TMEM132D: variants seen among roughly 807,000 people sequenced by gnomAD.
TMEM132D encodes the protein mature OL transmembrane protein.
TMEM132D carries 21 observed loss-of-function variants against 62.3 expected under a neutral mutation model. That is an observed-to-expected ratio of 0.34 (90% CI 0.24 to 0.49). The LOEUF is 0.49. Ranked by LOEUF, TMEM132D falls within the 20% of genes least tolerant of loss-of-function variation. The probability of loss-of-function intolerance (pLI) is 0.99; values close to 1 mark genes in which losing one functional copy is unlikely to be tolerated. For missense variants in TMEM132D, 1,346 were observed against 1,402.8 expected, an observed-to-expected ratio of 0.96 and a Z score of 0.65; for synonymous variants, 621 against 575.6, an observed-to-expected ratio of 1.08 and a Z score of -1.13.
chr12:129,902,576 G>A (rs561593837), intron 1 of TMEM132D, among the ~76,000 whole-genome samples: 1 of 152,318 alleles, frequency 6.6e-6, no homozygotes, highest in African/African-American at 2.4e-5. Flanking sequence ...ATGGCTTCAA[G>A]TCAGGGCTCC....
chr12:129,902,128 G>A (rs916203152), intron 1 of TMEM132D, among the ~76,000 whole-genome samples: 1 of 152,128 alleles, frequency 6.6e-6, no homozygotes, highest in Non-Finnish European at 1.5e-5. Context: ...CACAGAACTC[G>A]GCATTTCAAC....
At chr12:129,714,742 A>C (rs1016377180) in intron 1 of TMEM132D, among the ~76,000 whole-genome samples, 8 of 152,190 alleles carry the variant, frequency 5.3e-5, no homozygotes, top group African/African-American at 1.9e-4. Context: ...AAATCCGGGA[A>C]AGAAATTTTA....
chr12:129,325,173 GC>G (rs1337887749), intron 4 of TMEM132D, among the ~76,000 whole-genome samples: 1 of 152,194 alleles, frequency 6.6e-6, no homozygotes, highest in East Asian at 1.9e-4. Context: ...CTGAGCTTCT[GC>G]CGCGGGATGG....
chr12:129,488,439 G>T (rs760106626), intron 3 of TMEM132D, among the ~76,000 whole-genome samples: 3 of 152,182 alleles, frequency 2.0e-5, no homozygotes, highest in Non-Finnish European at 2.9e-5. Context: ...TTGGGAGGCT[G>T]AGGCAGGTGG....
chr12:129,659,319 C>A (rs1880175982), intron 2 of TMEM132D, among the ~76,000 whole-genome samples: 1 of 152,046 alleles, frequency 6.6e-6, no homozygotes, highest in Admixed American at 6.6e-5. Flanking sequence ...TGATAGATAA[C>A]CAGAATGCAA....
chr12:129,452,541 T>C (rs1264866671), intron 3 of TMEM132D, among the ~76,000 whole-genome samples: 2 of 152,196 alleles, frequency 1.3e-5, no homozygotes, highest in African/African-American at 4.8e-5. Flanking sequence ...TCCCTGTCAA[T>C]GTACAGGTAA....
chr12:129,587,824 G>A (rs1488618720), intron 2 of TMEM132D, among the ~76,000 whole-genome samples: 1 of 152,118 alleles, frequency 6.6e-6, no homozygotes, highest in South Asian at 2.1e-4. Context: ...TGGCCAGGGG[G>A]TATATTATTC....
chr12:129,442,680 A>C (rs552790681), intron 3 of TMEM132D, among the ~76,000 whole-genome samples: 1 of 152,236 alleles, frequency 6.6e-6, no homozygotes, highest in African/African-American at 2.4e-5. Context: ...AAAATCTAGA[A>C]AGGCATTTAT....
In TMEM132D at chr12:129,839,117, A is replaced by ATTTTTTTTTTTTTTTTTTTTTTTTT. The variant is rs71085578; in HGVS notation, c.79+64119_79+64143dup. 8.7e-4 allele frequency among the ~76,000 whole-genome samples: 18 copies of ATTTTTTTTTTTTTTTTTTTTTTTTT among 20,712 alleles called. 5 individuals are homozygous for ATTTTTTTTTTTTTTTTTTTTTTTTT. Among genetic ancestry groups the ATTTTTTTTTTTTTTTTTTTTTTTTT allele is most frequent in the Non-Finnish European group, 1.1e-3 (13 of 11,882 alleles). 13.6% of individuals were successfully genotyped at this position (20,712 alleles called of 152,430 possible). A position where few individuals can be genotyped will look rare whatever the true frequency, so the allele number is the denominator to read the frequency against. ...AGGCGTCCACCACCACGCCTGGCTAATTTTTTTTTTTTTTTTTTTTTTTTT... is the reference window on the plus strand; with the variant it reads ...AGGCGTCCACCACCACGCCTGGCTAATTTTTTTTTTTTTTTTTTTTTTTTTTTTTTTTTTTTTTTTTTTTTTTTTT... On this transcript the variant is annotated intron_variant, in intron 1 of 8. Transcript: ENST00000422113.
At chr12:129,284,607 T>A (rs1881240812) in intron 4 of TMEM132D, among the ~76,000 whole-genome samples, 1 of 152,242 alleles carries the variant, frequency 6.6e-6, no homozygotes, top group African/African-American at 2.4e-5. Context: ...AACAAACACA[T>A]GTAAACATAT....
At chr12:129,133,658 C>A (rs958765093) in intron 5 of TMEM132D, among the ~76,000 whole-genome samples, 1 of 152,164 alleles carries the variant, frequency 6.6e-6, no homozygotes, top group Non-Finnish European at 1.5e-5. Flanking sequence ...GTCTTTCTTG[C>A]GTTTATCCCA....
chr12:129,502,484 T>C (rs376417540), intron 3 of TMEM132D, among the ~76,000 whole-genome samples: 8 of 152,226 alleles, frequency 5.3e-5, no homozygotes, highest in South Asian at 4.2e-4. Context: ...ATACGTATTA[T>C]TGACTCATGT....
At chr12:129,430,131 A>G (rs1310349642) in intron 3 of TMEM132D, among the ~76,000 whole-genome samples, 1 of 152,172 alleles carries the variant, frequency 6.6e-6, no homozygotes, top group African/African-American at 2.4e-5. Context: ...CGGTATTTCT[A>G]GTTCTAGATC....
intron 4 of TMEM132D, among the ~76,000 whole-genome samples, chr12:129,315,853 C>T (rs1868473355): frequency 6.6e-6 from 1 of 152,088 alleles, no homozygotes; most frequent in Non-Finnish European, 1.5e-5. Flanking sequence ...CCTAATTCTT[C>T]CTGATTTAGG....
rs567435398 is a variant in TMEM132D at position 129,821,196 on chromosome 12, T to C, written c.79+82065A>G. Among the ~76,000 whole-genome samples the C allele has an allele frequency of 8.5e-5, 13 of 152,326 alleles. No homozygotes were observed. In the South Asian group the frequency reaches 2.3e-3, roughly 27 times the overall value. ...GTTCGAGAAATTAAGACAGATTCTC[T>C]CACCGCAGGACTTAGATTATTTGAC... On this transcript the variant is annotated intron_variant, in intron 1 of 8. Coordinates refer to ENST00000422113, the MANE Select transcript of TMEM132D (RefSeq NM_133448.3).
intron 3 of TMEM132D, among the ~76,000 whole-genome samples, chr12:129,507,623 C>T (rs1302900485): frequency 6.6e-6 from 1 of 152,060 alleles, no homozygotes; most frequent in Non-Finnish European, 1.5e-5. Flanking sequence ...AACCAAACAT[C>T]GTATGTTCTC....
chr12:129,144,297 G>A (rs148100087), intron 5 of TMEM132D, among the ~76,000 whole-genome samples: 2,005 of 152,268 alleles, frequency 0.013, 22 homozygotes, highest in Non-Finnish European at 0.02. Flanking sequence ...ATGTCTCCCA[G>A]TATCCAGACC....
rs111919940 is a variant in TMEM132D at position 129,174,638 on chromosome 12, C to T, written c.1443+34882G>A. 7.5e-4 allele frequency among the ~76,000 whole-genome samples: 114 copies of T among 152,246 alleles called. 1 individual carries two copies. Among genetic ancestry groups the T allele is most frequent in the African/African-American group, 2.7e-3 (111 of 41,546 alleles). On this transcript the variant is annotated intron_variant, in intron 5 of 8. Transcript: ENST00000422113. ...CAAATGGCATCTCTGCTTCTAGATC[C>T]TTGAGGAATTGCCATATTGTCTTCC...
At chr12:129,092,538 A>G (rs927277050) in intron 5 of TMEM132D, among the ~76,000 whole-genome samples, 4 of 152,132 alleles carry the variant, frequency 2.6e-5, no homozygotes, top group African/African-American at 9.7e-5. Flanking sequence ...TATTAAAAAT[A>G]CAAAAAAATT....
Sources: gnomAD v4.1 joint callset for allele counts (sites outside exome capture counted in the v4.1 genomes callset) on GRCh38, gnomAD v4.1.1 for gene constraint, MANE v1.5 for transcripts, NCBI Gene and HGNC (gene_info 2026-07-23, HGNC 2026-07-21) for gene names.